Variants in FAF1 observed in about 807,000 individuals in gnomAD.
The protein encoded by FAF1 is Fas associated factor 1, also known as FAS-associated factor 1.
FAF1 carries 25 observed loss-of-function variants against 92.5 expected under a neutral mutation model. That is an observed-to-expected ratio of 0.27 (90% CI 0.20 to 0.38). The LOEUF (loss-of-function observed/expected upper bound fraction) is 0.38, where lower values mean the gene tolerates loss of function less well. Ranked by LOEUF, FAF1 falls within the 10% of genes least tolerant of loss-of-function variation. FAF1 has a pLI of 1.00. For missense variants in FAF1, 636 were observed against 793.3 expected (o/e 0.80, Z 2.38); for synonymous variants, 234 against 273.2 (o/e 0.86, Z 1.42).
intron 12 of FAF1, among the ~76,000 whole-genome samples, chr1:50,574,687 TA>T (rs1400002356): frequency 6.6e-6 from 1 of 152,066 alleles, no homozygotes; most frequent in Non-Finnish European, 1.5e-5. Context: ...AGTATAGCAG[TA>T]AAGACTTGAA....
chr1:50,448,617 C>T (rs185448377), intron 18 of FAF1, among the ~76,000 whole-genome samples: 25 of 152,252 alleles, frequency 1.6e-4, no homozygotes, highest in Admixed American at 5.2e-4. Context: ...GGTACGAGGG[C>T]CTGCAGTGTC....
chr1:50,944,003 C>T (rs545868667), intron 1 of FAF1, among the ~76,000 whole-genome samples: 1 of 152,196 alleles, frequency 6.6e-6, no homozygotes, highest in Non-Finnish European at 1.5e-5. Flanking sequence ...GAGTCTAGTC[C>T]TTGTTTTTGA....
chr1:50,541,240 G>C (rs905068850), intron 13 of FAF1, among the ~76,000 whole-genome samples: 1 of 152,198 alleles, frequency 6.6e-6, no homozygotes, highest in Non-Finnish European at 1.5e-5. Context: ...CACTAGAACT[G>C]TTGGCAAGAG....
At chr1:50,501,527 G>A (rs1242908053) in intron 15 of FAF1, among the ~76,000 whole-genome samples, 1 of 152,124 alleles carries the variant, frequency 6.6e-6, no homozygotes, top group Non-Finnish European at 1.5e-5. Flanking sequence ...TGGGCGTGGT[G>A]GCAGGCACCT....
intron 2 of FAF1, among the ~76,000 whole-genome samples, chr1:50,833,692 G>C (rs975453389): frequency 2.6e-5 from 4 of 151,714 alleles, no homozygotes; most frequent in Non-Finnish European, 5.9e-5. Context: ...GCTATCTAGA[G>C]GCCCACCAAG....
chr1:50,954,770 T>C (rs1570185323), intron 1 of FAF1, among the ~76,000 whole-genome samples: 1 of 152,092 alleles, frequency 6.6e-6, no homozygotes, highest in Non-Finnish European at 1.5e-5. Flanking sequence ...CTTGAACTCC[T>C]GACCTCAAGT....
rs544825275 is a variant in FAF1, at chr1:50,541,122, T to A, written c.1269-1394A>T. Among the ~76,000 whole-genome samples, 562 of 152,336 alleles carry A rather than the reference T, an allele frequency of 3.7e-3. 1 individual carries two copies. Among genetic ancestry groups the A allele is most frequent in the Non-Finnish European group, 6.5e-3 (441 of 68,022 alleles). On this transcript the variant is annotated intron_variant, in intron 13 of 18. Coordinates refer to ENST00000396153, the MANE Select transcript of FAF1 (RefSeq NM_007051.3). Reference sequence around the variant, plus strand: ...TCAAAACAGAATCAAACCTCTTAATTTTTAAAGCCAATACATTTTCTGTCT... The same window carrying A: ...TCAAAACAGAATCAAACCTCTTAATATTTAAAGCCAATACATTTTCTGTCT...
chr1:50,908,811 G>A (rs1570127390), intron 1 of FAF1, among the ~76,000 whole-genome samples: 2 of 152,004 alleles, frequency 1.3e-5, no homozygotes, highest in Admixed American at 6.6e-5. Context: ...ACACTGATGG[G>A]TCTTGACTCT....
chr1:50,495,660 T>G (rs1646889488), intron 15 of FAF1, among the ~76,000 whole-genome samples: 1 of 152,172 alleles, frequency 6.6e-6, no homozygotes, highest in Non-Finnish European at 1.5e-5. Flanking sequence ...GGTAGCTCTA[T>G]TTTTAGTTTT....
rs1313904350 is a variant in FAF1 at position 50,587,604 on chromosome 1, T to C, written c.841-2793A>G. ...AAATTCTTTAAATCCAGAAAAAGTA[T>C]TTATTCATAATTTTAAAAACAGCTA... On this transcript the variant is annotated intron_variant, in intron 9 of 18. Transcript: ENST00000396153. Among the ~76,000 whole-genome samples, 4 of 152,210 alleles carry C rather than the reference T, an allele frequency of 2.6e-5. No individual in the cohort carries two copies. In the East Asian group the frequency reaches 7.7e-4, roughly 29 times the overall value.
chr1:50,855,265 C>T (rs1000095769), intron 2 of FAF1, among the ~76,000 whole-genome samples: 4 of 151,780 alleles, frequency 2.6e-5, no homozygotes, highest in African/African-American at 9.7e-5. Context: ...TAAGCCCCCA[C>T]TCTTTATCTA....
intron 1 of FAF1, among the ~76,000 whole-genome samples, chr1:50,941,155 C>T (rs1209526044): frequency 6.6e-6 from 1 of 152,018 alleles, no homozygotes; most frequent in Non-Finnish European, 1.5e-5. Context: ...CCTCAGCTTC[C>T]TCAGTAGCTG....
At chr1:50,653,639 G>A (rs367700566) in intron 8 of FAF1, among the ~76,000 whole-genome samples, 9 of 152,288 alleles carry the variant, frequency 5.9e-5, no homozygotes, top group Middle Eastern at 3.4e-3. Flanking sequence ...GCCGAGGCAG[G>A]CTGGTCACCT....
intron 1 of FAF1, among the ~76,000 whole-genome samples, chr1:50,884,805 T>C (rs1644644962): frequency 6.6e-6 from 1 of 152,126 alleles, no homozygotes; most frequent in African/African-American, 2.4e-5. Flanking sequence ...TTTGTAAGTA[T>C]TCCTTCCTCT....
At chr1:50,759,545 T>C (rs374169503) in intron 4 of FAF1, among the ~76,000 whole-genome samples, 133 of 152,038 alleles carry the variant, frequency 8.7e-4, no homozygotes, top group African/African-American at 2.8e-3. Flanking sequence ...TTAATCCAGT[T>C]TATCATTGTT....
intron 4 of FAF1, among the ~76,000 whole-genome samples, chr1:50,750,523 G>A (rs1659813186): frequency 2.0e-5 from 3 of 151,818 alleles, no homozygotes; most frequent in African/African-American, 4.8e-5. Context: ...TCAAAAGCCT[G>A]CCCCTACTCA....
At chr1:50,475,320 G>C (rs1646625126) in intron 18 of FAF1, 144 bp downstream of exon 18, 1 of 632,110 alleles carries the variant, frequency 1.6e-6, no homozygotes. Context: ...GCTAAGGAGA[G>C]AATGGTGTGC....
chr1:50,673,990 A>G (rs995552246), intron 7 of FAF1, among the ~76,000 whole-genome samples: 1 of 151,288 alleles, frequency 6.6e-6, no homozygotes, highest in Non-Finnish European at 1.5e-5. Flanking sequence ...TTGCTCTGTC[A>G]CCCAGGCTGG....
chr1:50,927,192 T>A (rs1447975266), intron 1 of FAF1, among the ~76,000 whole-genome samples: 1 of 152,200 alleles, frequency 6.6e-6, no homozygotes, highest in Non-Finnish European at 1.5e-5. Flanking sequence ...CATAACAATG[T>A]GAGGGTACTT....
Sources: allele counts gnomAD v4.1 joint callset (sites outside exome capture counted in the v4.1 genomes callset), GRCh38; gene constraint gnomAD v4.1.1; transcripts MANE v1.5; gene names NCBI Gene and HGNC (gene_info 2026-07-23, HGNC 2026-07-21).